PRKCA: variants seen among roughly 807,000 people sequenced by gnomAD.
The protein encoded by PRKCA is protein kinase C alpha type.
PRKCA carries 27 observed loss-of-function variants against 87.0 expected under a neutral mutation model. That is an observed-to-expected ratio of 0.31 (90% CI 0.23 to 0.43). The LOEUF (loss-of-function observed/expected upper bound fraction) is 0.43, where lower values mean the gene tolerates loss of function less well. Ranked by LOEUF, PRKCA falls within the 20% of genes least tolerant of loss-of-function variation. The probability of loss-of-function intolerance (pLI) is 1.00; values close to 1 mark genes in which losing one functional copy is unlikely to be tolerated. For missense variants in PRKCA, 518 were observed against 852.3 expected, an observed-to-expected ratio of 0.61 and a Z score of 4.88; for synonymous variants, 329 against 311.1, an observed-to-expected ratio of 1.06 and a Z score of -0.61.
intron 2 of PRKCA, among the ~76,000 whole-genome samples, chr17:66,375,623 G>A (rs1055271192): frequency 1.3e-5 from 2 of 152,152 alleles, no homozygotes; most frequent in Non-Finnish European, 2.9e-5. Flanking sequence ...TGTTATTAGA[G>A]TTCTGGGGGC....
At chr17:66,364,314 CAT>C (rs1307539174) in intron 2 of PRKCA, 1 of 152,148 alleles carries the variant, frequency 6.6e-6, no homozygotes, top group Non-Finnish European at 1.5e-5. Context: ...ACATAGACCC[CAT>C]CTCAATCAAT....
At chr17:66,787,099 C>T (rs775148416) in intron 15 of PRKCA, 125 bp downstream of exon 15, 4 of 853,114 alleles carry the variant, frequency 4.7e-6, no homozygotes, top group East Asian at 2.4e-5. Context: ...TTTTGGCCAT[C>T]GAGGGTTGGG....
Position 66,302,774 on chromosome 17 carries a change from C to G in PRKCA, c.-78C>G. ...CCGGGGTCGCCCCGAGCCCGCACCT[C>G]TCCCCCGCCGCCCCCGCCCACCCGG... On this transcript the variant is annotated 5_prime_UTR_variant, in exon 1 of 17. Transcript: ENST00000413366. The G allele has an allele frequency of 1.5e-6, 2 of 1,335,762 alleles. No homozygotes were observed. Among genetic ancestry groups the G allele is most frequent in the Non-Finnish European group, 2.0e-6 (2 of 1,023,426 alleles). 82.7% of individuals were successfully genotyped at this position (1,335,762 alleles called of 1,614,324 possible).
intron 8 of PRKCA, among the ~76,000 whole-genome samples, chr17:66,720,973 A>C (rs1020703708): frequency 6.6e-6 from 1 of 152,210 alleles, no homozygotes; most frequent in Non-Finnish European, 1.5e-5. Flanking sequence ...TTTAAAGTGG[A>C]ATGTAGTTAC....
chr17:66,757,503 C>T (rs1460465411), intron 13 of PRKCA, among the ~76,000 whole-genome samples: 3 of 141,608 alleles, frequency 2.1e-5, no homozygotes, highest in African/African-American at 5.2e-5. Flanking sequence ...AAGCCCAGAG[C>T]GGGGAAAGCA....
intron 1 of PRKCA, among the ~76,000 whole-genome samples, chr17:66,304,409 G>T (rs778639244): frequency 1.3e-5 from 2 of 152,164 alleles, no homozygotes; most frequent in African/African-American, 2.4e-5. Context: ...GTTGCCCGAC[G>T]TCCTGACTCT....
chr17:66,613,991 A>G (rs2143655313), intron 3 of PRKCA, among the ~76,000 whole-genome samples: 1 of 152,118 alleles, frequency 6.6e-6, no homozygotes, highest in South Asian at 2.1e-4. Flanking sequence ...GGGTTTCACC[A>G]AGATGGCCAG....
At chr17:66,709,139 G>A (rs1973256626) in intron 8 of PRKCA, among the ~76,000 whole-genome samples, 1 of 152,050 alleles carries the variant, frequency 6.6e-6, no homozygotes, top group African/African-American at 2.4e-5. Flanking sequence ...CATTCAGGCT[G>A]TGGGATTTTG....
chr17:66,641,192 C>T (rs556447929), intron 3 of PRKCA, among the ~76,000 whole-genome samples, 163 bp from the exon 4 acceptor site: 12 of 115,174 alleles, frequency 1.0e-4, no homozygotes, highest in East Asian at 8.6e-4. Context: ...TATTTAGTGG[C>T]GAAGTCACCA....
intron 2 of PRKCA, among the ~76,000 whole-genome samples, chr17:66,490,758 T>G (rs1163855205): frequency 6.6e-6 from 1 of 152,182 alleles, no homozygotes; most frequent in African/African-American, 2.4e-5. Context: ...TTTTTGTATT[T>G]TTAGTAGAGA....
chr17:66,467,615 T>A (rs1490039542), intron 2 of PRKCA, among the ~76,000 whole-genome samples: 1 of 152,236 alleles, frequency 6.6e-6, no homozygotes, highest in Non-Finnish European at 1.5e-5. Flanking sequence ...TGGAGTGCAG[T>A]GGCACCATCT....
At chr17:66,528,998 T>C (rs1967445905) in intron 3 of PRKCA, among the ~76,000 whole-genome samples, 1 of 152,202 alleles carries the variant, frequency 6.6e-6, no homozygotes, top group Non-Finnish European at 1.5e-5. Flanking sequence ...TTTGATGTAT[T>C]GGGTTCAAAT....
At chr17:66,427,861 A>G (rs772517760) in intron 2 of PRKCA, among the ~76,000 whole-genome samples, 2 of 152,352 alleles carry the variant, frequency 1.3e-5, no homozygotes, top group Non-Finnish European at 1.5e-5. Context: ...CTGAGAACCT[A>G]GGATGCATCT....
chr17:66,312,807 C>T (rs1358081031), intron 2 of PRKCA, among the ~76,000 whole-genome samples: 1 of 144,940 alleles, frequency 6.9e-6, no homozygotes, highest in Non-Finnish European at 1.5e-5. Context: ...GGCACAGTCT[C>T]ACTTCACTGC....
chr17:66,658,203 G>A (rs2362709), intron 5 of PRKCA, among the ~76,000 whole-genome samples: 87,196 of 151,988 alleles, frequency 0.57, 25,358 homozygotes, highest in African/African-American at 0.69. Flanking sequence ...ATCTCAGCCG[G>A]GCACAGTGGC....
At chr17:66,556,781 A>G (rs1003425) in intron 3 of PRKCA, among the ~76,000 whole-genome samples, 51,624 of 151,966 alleles carry the variant, frequency 0.34, 9,027 homozygotes, top group South Asian at 0.44. Context: ...ATCCCCTTCC[A>G]CCATGATTTT....
At chr17:66,678,040 A>G (rs1972384269) in intron 5 of PRKCA, among the ~76,000 whole-genome samples, 1 of 152,236 alleles carries the variant, frequency 6.6e-6, no homozygotes, top group Non-Finnish European at 1.5e-5. Flanking sequence ...GGAATCTGTA[A>G]ATGTGCCCTT....
At chr17:66,736,589 T>A (rs1974034766) in intron 10 of PRKCA, among the ~76,000 whole-genome samples, 1 of 152,178 alleles carries the variant, frequency 6.6e-6, no homozygotes, top group Non-Finnish European at 1.5e-5. Context: ...CAGTCTTGGC[T>A]TTTTAAGACC....
chr17:66,712,466 G>C (rs1973355167), intron 8 of PRKCA, among the ~76,000 whole-genome samples: 1 of 152,152 alleles, frequency 6.6e-6, no homozygotes, highest in Non-Finnish European at 1.5e-5. Flanking sequence ...CTGGGTGCTG[G>C]TGTAAAAAAC....
Sources: gnomAD v4.1 joint callset for allele counts (sites outside exome capture counted in the v4.1 genomes callset) on GRCh38, gnomAD v4.1.1 for gene constraint, MANE v1.5 for transcripts, NCBI Gene and HGNC (gene_info 2026-07-23, HGNC 2026-07-21) for gene names.